GRIA4: variants seen among roughly 807,000 people sequenced by gnomAD.
The protein encoded by GRIA4 is glutamate ionotropic receptor AMPA type subunit 4, also known as glutamate receptor 4.
In GRIA4, 34 loss-of-function variants were observed where a neutral mutation model predicts 104.0. That is an observed-to-expected ratio of 0.33 (90% CI 0.25 to 0.44). The LOEUF is 0.44. GRIA4 is among the 20% of genes least tolerant of loss of function. GRIA4 has a pLI of 1.00. For synonymous variants in GRIA4, 386 were observed against 381.9 expected, an observed-to-expected ratio of 1.01 and a Z score of -0.13; for missense variants, 750 against 1,096.5, an observed-to-expected ratio of 0.68 and a Z score of 4.46.
intron 14 of GRIA4, among the ~76,000 whole-genome samples, chr11:105,967,201 G>A (rs1341045507): frequency 6.6e-6 from 1 of 151,760 alleles, no homozygotes; most frequent in Non-Finnish European, 1.5e-5. Context: ...ACAAATACAG[G>A]AGAAGTAAAA....
At chr11:105,861,961 C>G (rs2277280) in intron 4 of GRIA4, 63 bp from the exon 5 acceptor site, 1 of 960,884 alleles carries the variant, frequency 1.0e-6, no homozygotes, top group Non-Finnish European at 1.6e-6. Flanking sequence ...AGGCTCAGTA[C>G]CTGCATACAT....
chr11:105,766,170 G>A (rs1011379112), intron 4 of GRIA4, among the ~76,000 whole-genome samples: 2 of 151,914 alleles, frequency 1.3e-5, no homozygotes, highest in African/African-American at 4.8e-5. Context: ...TTCAATTACT[G>A]GATAAATAGA....
intron 12 of GRIA4, 142 bp downstream of exon 12, chr11:105,924,911 T>G: frequency 1.6e-6 from 1 of 613,142 alleles, no homozygotes; most frequent in Non-Finnish European, 2.8e-6. Flanking sequence ...CAAATAGCAA[T>G]TTCTTCCAAG....
At chr11:105,708,699 A>G (rs1953798438) in intron 3 of GRIA4, among the ~76,000 whole-genome samples, 1 of 152,078 alleles carries the variant, frequency 6.6e-6, no homozygotes, top group African/African-American at 2.4e-5. Context: ...GCAAATAAGT[A>G]AAAATATTAT....
chr11:105,715,115 A>G (rs1412831729), intron 3 of GRIA4, among the ~76,000 whole-genome samples: 2 of 152,196 alleles, frequency 1.3e-5, no homozygotes, highest in East Asian at 3.9e-4. Context: ...CTTTCAAATC[A>G]GTGTAAATCA....
intron 13 of GRIA4, among the ~76,000 whole-genome samples, chr11:105,932,595 A>G (rs1947913986): frequency 6.6e-6 from 1 of 152,202 alleles, no homozygotes; most frequent in Admixed American, 6.6e-5. Flanking sequence ...TAATGTATTA[A>G]TAGATAGAGC....
chr11:105,736,224 A>C (rs981313624), intron 3 of GRIA4, among the ~76,000 whole-genome samples: 3 of 152,080 alleles, frequency 2.0e-5, no homozygotes, highest in Admixed American at 2.0e-4. Context: ...CAGATTCATT[A>C]CTGACCTCAC....
chr11:105,914,392 T>C (rs1223760451), intron 10 of GRIA4, among the ~76,000 whole-genome samples: 1 of 152,074 alleles, frequency 6.6e-6, no homozygotes, highest in East Asian at 1.9e-4. Context: ...CTTTCAATAG[T>C]AATTGTAATA....
chr11:105,738,241 T>A (rs1048983203), intron 3 of GRIA4, among the ~76,000 whole-genome samples: 4 of 152,194 alleles, frequency 2.6e-5, no homozygotes, highest in Non-Finnish European at 5.9e-5. Context: ...GAGGAATTAT[T>A]CATTCTGTAG....
intron 14 of GRIA4, 119 bp downstream of exon 14, chr11:105,934,088 C>T (rs1001100681): frequency 2.3e-6 from 2 of 856,098 alleles, no homozygotes; most frequent in Non-Finnish European, 3.5e-6. Flanking sequence ...TGTTTGTTTT[C>T]TTTTTCTCCA....
At chr11:105,820,092 C>G (rs180981227) in intron 4 of GRIA4, among the ~76,000 whole-genome samples, 1 of 152,228 alleles carries the variant, frequency 6.6e-6, no homozygotes, top group East Asian at 1.9e-4. Flanking sequence ...ACCCTCCAAG[C>G]TTCAGAGGGA....
intron 14 of GRIA4, among the ~76,000 whole-genome samples, chr11:105,936,969 G>A (rs1347365257): frequency 6.6e-6 from 1 of 152,074 alleles, no homozygotes; most frequent in Non-Finnish European, 1.5e-5. Flanking sequence ...TTGGTTTATT[G>A]TATTTTGATA....
intron 3 of GRIA4, among the ~76,000 whole-genome samples, chr11:105,623,303 C>T (rs1950802664): frequency 6.6e-6 from 1 of 151,630 alleles, no homozygotes; most frequent in African/African-American, 2.4e-5. Flanking sequence ...ATTTGCATTC[C>T]CAATTGGCAC....
chr11:105,622,937 A>G (rs929604593), intron 3 of GRIA4, among the ~76,000 whole-genome samples: 1 of 151,596 alleles, frequency 6.6e-6, no homozygotes. Context: ...AGCACATGTA[A>G]TATTTGATTT....
chr11:105,702,954 C>T lies in GRIA4; in HGVS notation c.248-50027C>T, dbSNP rs540155061. 3.3e-5 allele frequency among the ~76,000 whole-genome samples: 5 copies of T among 152,206 alleles called. 1 individual carries two copies. Among genetic ancestry groups the T allele is most frequent in the African/African-American group, 1.2e-4 (5 of 41,534 alleles). ...AAGTGATCTGCCCATCTCAGCCTCCCAATGTGCTGGGATTAAAGGCATAAG... is the reference window on the plus strand; with the variant it reads ...AAGTGATCTGCCCATCTCAGCCTCCTAATGTGCTGGGATTAAAGGCATAAG... On this transcript the variant is annotated intron_variant, in intron 3 of 16. Transcript: ENST00000282499.
At chr11:105,928,071 CA>C (rs1369200338) in intron 13 of GRIA4, among the ~76,000 whole-genome samples, 2 of 151,938 alleles carry the variant, frequency 1.3e-5, no homozygotes, top group Non-Finnish European at 2.9e-5. Context: ...CAATTATAAA[CA>C]ACAAAATGTG....
chr11:105,751,093 G>T (rs1939968368), intron 3 of GRIA4, among the ~76,000 whole-genome samples: 3 of 152,128 alleles, frequency 2.0e-5, no homozygotes, highest in Admixed American at 1.3e-4. Context: ...ATTAAAATTT[G>T]TGTATAGTTT....
At chr11:105,655,090 A>G (rs1285876043) in intron 3 of GRIA4, among the ~76,000 whole-genome samples, 1 of 152,172 alleles carries the variant, frequency 6.6e-6, no homozygotes, top group Non-Finnish European at 1.5e-5. Flanking sequence ...TCCACATAAC[A>G]TAATTCTCCA....
intron 3 of GRIA4, among the ~76,000 whole-genome samples, chr11:105,712,178 C>T (rs568721335): frequency 6.6e-6 from 1 of 152,032 alleles, no homozygotes; most frequent in Non-Finnish European, 1.5e-5. Flanking sequence ...TCTGGAAGGA[C>T]AACCTCAACC....
Sources: gnomAD v4.1 joint callset for allele counts (sites outside exome capture counted in the v4.1 genomes callset) on GRCh38, gnomAD v4.1.1 for gene constraint, MANE v1.5 for transcripts, NCBI Gene and HGNC (gene_info 2026-07-23, HGNC 2026-07-21) for gene names.